The following KANSL2 variants were observed in gnomAD, a reference collection of about 807,000 sequenced individuals.
KANSL2 encodes NSL complex protein NSL2.
In KANSL2, 34 loss-of-function variants were observed where a neutral mutation model predicts 55.6. The observed-to-expected ratio is 0.61, with a 90% CI of 0.46 to 0.81. KANSL2 has a LOEUF of 0.81. KANSL2 is among the 40% of genes least tolerant of loss of function. The probability of loss-of-function intolerance (pLI) is 0.00; values close to 1 mark genes in which losing one functional copy is unlikely to be tolerated. For synonymous variants in KANSL2, 209 were observed against 214.3 expected, an observed-to-expected ratio of 0.98 and a Z score of 0.22; for missense variants, 502 against 609.9, an observed-to-expected ratio of 0.82 and a Z score of 1.86.
intron 7 of KANSL2, among the ~76,000 whole-genome samples, chr12:48,666,711 T>A (rs1038467922): frequency 6.7e-6 from 1 of 148,212 alleles, no homozygotes; most frequent in Non-Finnish European, 1.5e-5. Context: ...TAATTAATAA[T>A]AAAATAAAAT....
Position 48,659,379 on chromosome 12 carries a change from C to G in KANSL2, c.1227+987G>C, listed in dbSNP as rs550715216. ...CTTTGGGAGGCCAAGGTAAGAGGAT[C>G]ACTTGAGGCCAAGGTAAGAGGATCA... On this transcript the variant is annotated intron_variant, in intron 8 of 9. Transcript: ENST00000420613. Among the ~76,000 whole-genome samples the G allele has an allele frequency of 3.3e-5, 5 of 151,958 alleles. No homozygotes were observed. The South Asian group carries it at 8.3e-4, about 25-fold the overall frequency.
chr12:48,679,741 A>T lies in KANSL2; in HGVS notation c.344T>A (p.Leu115His). ...AGCATATGAGCTCAGCTGGCACAGGAGTGTTTCACCCACAGGCCCTGGGTT... is the reference window on the plus strand; with the variant it reads ...AGCATATGAGCTCAGCTGGCACAGGTGTGTTTCACCCACAGGCCCTGGGTT... ...KTNPGPVGET[L>H]LCQLSSYAKT... The change falls in exon 3 of 10, where the codon CTC (leucine) becomes CAC (histidine). Residue 115 changes from leucine (L) to histidine (H), a missense_variant. Transcript: ENST00000420613. The T allele has an allele frequency of 6.2e-7, 1 of 1,611,790 alleles. No homozygotes were observed. The highest frequency in any genetic ancestry group is 1.6e-4 in the Middle Eastern group (1 of 6,062).
At chr12:48,677,336 T>C (rs1048126870) in intron 4 of KANSL2, among the ~76,000 whole-genome samples, 8 of 152,214 alleles carry the variant, frequency 5.3e-5, no homozygotes, top group African/African-American at 1.9e-4. Flanking sequence ...ATGTGCCTCC[T>C]AGAGACTGAT....
chr12:48,671,951 A>G lies in KANSL2; in HGVS notation c.557T>C (p.Val186Ala). Residue 186 changes from valine (V) to alanine (A), a missense_variant, in exon 5 of 10, where the codon GTC becomes GCC. By Grantham distance (64) the Val-to-Ala change is moderately conservative (BLOSUM62 0). Coordinates refer to ENST00000420613, the MANE Select transcript of KANSL2 (RefSeq NM_017822.4). The part of the protein sequence containing the change: ...DQEDPLKHAG[V>A]YTAEEVALIM... Reference sequence around the variant, plus strand: ...CAGGGCCACTTCTTCTGCTGTGTAGACACCAGCATGTCTGGAATAAAACAG... The same window carrying G: ...CAGGGCCACTTCTTCTGCTGTGTAGGCACCAGCATGTCTGGAATAAAACAG... 1 of 1,578,286 alleles carries G rather than the reference A, an allele frequency of 6.3e-7. No homozygotes were observed. The highest frequency in any genetic ancestry group is 8.6e-7 in the Non-Finnish European group (1 of 1,160,318).
rs199534743 is a variant in KANSL2 at position 48,657,602 on chromosome 12, ATT to A, written c.1228-2544_1228-2543del. 6.5e-3 allele frequency among the ~76,000 whole-genome samples: 888 copies of A among 137,152 alleles called. 7 individuals are homozygous for A. Among genetic ancestry groups the A allele is most frequent in the African/African-American group, 0.021 (812 of 37,916 alleles). 90.0% of individuals were successfully genotyped at this position (137,152 alleles called of 152,430 possible). A position where few individuals can be genotyped will look rare whatever the true frequency, so the allele number is the denominator to read the frequency against. On this transcript the variant is annotated intron_variant, in intron 8 of 9. Coordinates refer to ENST00000420613, the MANE Select transcript of KANSL2 (RefSeq NM_017822.4). ...TTCTCCCATTCTTTTACTATGTGCA[ATT>A]TGTGTGTGTGTGTGTGCGTGCGTGT... is the stretch of plus-strand genomic sequence containing the variant.
At chr12:48,676,968 T>C (rs1160243298) in intron 4 of KANSL2, among the ~76,000 whole-genome samples, 2 of 152,116 alleles carry the variant, frequency 1.3e-5, no homozygotes, top group Admixed American at 1.3e-4. Context: ...AAATTCTTAA[T>C]GAAAAGAATT....
chr12:48,674,912 C>T (rs1469618182), intron 4 of KANSL2, among the ~76,000 whole-genome samples: 3 of 148,434 alleles, frequency 2.0e-5, no homozygotes, highest in East Asian at 2.0e-4. Context: ...GGCGACAGAA[C>T]GAGACTCTGT....
chr12:48,656,366 T>A (rs1470333016), intron 8 of KANSL2, among the ~76,000 whole-genome samples: 1 of 151,112 alleles, frequency 6.6e-6, no homozygotes, highest in Non-Finnish European at 1.5e-5. Context: ...CTCCGCCTCC[T>A]GGGTTCAAGT....
chr12:48,662,352 G>A (rs147948205), intron 7 of KANSL2, among the ~76,000 whole-genome samples: 3,467 of 152,252 alleles, frequency 0.023, 126 homozygotes, highest in African/African-American at 0.081. Context: ...TGATCAGCCC[G>A]CCTCAGCCTC....
rs772228059 is a variant in KANSL2 at position 48,660,509 on chromosome 12, G to C, written c.1084C>G (p.Leu362Val). 7.4e-6 allele frequency: 12 copies of C among 1,613,800 alleles called. No individual in the cohort carries two copies. Among genetic ancestry groups the C allele is most frequent in the Non-Finnish European group, 8.5e-6 (10 of 1,179,802 alleles). ...VSLSEDPCCP[L>V]HFQLPPQMYK... ...ATCTGAGGAGGCAACTGGAAATGCAGTGGGCAGCAGGGATCCTCAGAGAGG... is the reference window on the plus strand; with the variant it reads ...ATCTGAGGAGGCAACTGGAAATGCACTGGGCAGCAGGGATCCTCAGAGAGG... The change falls in exon 8 of 10, where the codon CTG becomes GTG. Residue 362 changes from leucine (L) to valine (V), a missense_variant. Coordinates refer to ENST00000420613, the MANE Select transcript of KANSL2 (RefSeq NM_017822.4).
Position 48,680,972 on chromosome 12 carries a change from G to GCC in KANSL2, c.251+408_251+409dup, listed in dbSNP as rs71453824. 2.2e-3 allele frequency among the ~76,000 whole-genome samples: 322 copies of GCC among 148,226 alleles called. 1 individual carries two copies. Among genetic ancestry groups the GCC allele is most frequent in the Middle Eastern group, 0.021 (6 of 282 alleles). Reference sequence around the variant, plus strand: ...GGAATAAAGCAAGAATCTGTGCGCCGCCCCCCCGCCAAAAAATTAACTTTA... The same window carrying GCC: ...GGAATAAAGCAAGAATCTGTGCGCCGCCCCCCCCCGCCAAAAAATTAACTTTA... On this transcript the variant is annotated intron_variant, in intron 2 of 9. Transcript: ENST00000420613.
At chr12:48,668,004 T>C (rs1183064926) in intron 6 of KANSL2, among the ~76,000 whole-genome samples, 1 of 152,178 alleles carries the variant, frequency 6.6e-6, no homozygotes, top group East Asian at 1.9e-4. Context: ...CTCCATATTC[T>C]AAAAGTGTGA....
chr12:48,671,062 C>T (rs901653245), intron 5 of KANSL2, among the ~76,000 whole-genome samples: 1 of 151,928 alleles, frequency 6.6e-6, no homozygotes, highest in Admixed American at 6.6e-5. Context: ...TCAGGAGTTC[C>T]GAGAGCAGCC....
At chr12:48,667,594 AG>A in intron 7 of KANSL2, 98 bp downstream of exon 7, 2 of 987,474 alleles carry the variant, frequency 2.0e-6, no homozygotes. Context: ...TCAGGGCCAA[AG>A]GAAAACAAAA....
intron 7 of KANSL2, among the ~76,000 whole-genome samples, chr12:48,665,082 T>C (rs1016120308): frequency 3.3e-5 from 5 of 152,054 alleles, no homozygotes; most frequent in African/African-American, 1.2e-4. Context: ...TACTGTATTG[T>C]CCAGGCTGTA....
chr12:48,661,838 A>G (rs1467313370), intron 7 of KANSL2, among the ~76,000 whole-genome samples: 2 of 152,198 alleles, frequency 1.3e-5, no homozygotes, highest in Non-Finnish European at 2.9e-5. Context: ...AGCTGTCAGT[A>G]GCACCTCCAT....
chr12:48,677,801 AAAAAAAAAAG>A (rs1191962089), intron 4 of KANSL2, among the ~76,000 whole-genome samples: 2 of 151,236 alleles, frequency 1.3e-5, no homozygotes, highest in East Asian at 3.9e-4. Flanking sequence ...AAAAAAAAAA[AAAAAAAAAAG>A]GAATGAATAT....
rs1223704530 is a variant in KANSL2 at position 48,681,483 on chromosome 12, G to A, written c.150C>T (p.Ile50=). The A allele has an allele frequency of 1.2e-6, 2 of 1,613,860 alleles. No individual in the cohort carries two copies. Among genetic ancestry groups the A allele is most frequent in the Non-Finnish European group, 8.5e-7 (1 of 1,179,872 alleles). Reference sequence around the variant, plus strand: ...TGAAGGGTGCATTCTTGTCTTCAAGGATATGCTTAATGCAAAACTCCTGCC... The same window carrying A: ...TGAAGGGTGCATTCTTGTCTTCAAGAATATGCTTAATGCAAAACTCCTGCC... The part of the protein sequence containing the change: ...LEGQEFCIKH[I]LEDKNAPFKQ... The change falls in exon 2 of 10, where the codon ATC becomes ATT. Residue 50 remains isoleucine (I), a synonymous_variant. Coordinates refer to ENST00000420613, the MANE Select transcript of KANSL2 (RefSeq NM_017822.4).
At chr12:48,662,779 T>G in intron 7 of KANSL2, 2 of 503,554 alleles carry the variant, frequency 4.0e-6, no homozygotes, top group Middle Eastern at 5.6e-4. Context: ...TGCTTTATAT[T>G]TATATTTTAA....
Sources: allele counts gnomAD v4.1 joint callset (sites outside exome capture counted in the v4.1 genomes callset), GRCh38; gene constraint gnomAD v4.1.1; transcripts MANE v1.5; gene names NCBI Gene and HGNC (gene_info 2026-07-23, HGNC 2026-07-21).